ADCY8: variants seen among roughly 807,000 people sequenced by gnomAD.
ADCY8 encodes adenylate cyclase 8, also known as adenylate cyclase type 8.
Under a neutral mutation model 119.7 loss-of-function variants are expected in ADCY8, and 51 were observed. The ratio of observed to expected loss-of-function variants is 0.43; its 90% CI spans 0.34 to 0.54. The LOEUF (loss-of-function observed/expected upper bound fraction) is 0.54. Ranked by LOEUF, ADCY8 falls within the 20% of genes least tolerant of loss-of-function variation. The probability of loss-of-function intolerance (pLI) is 0.03; values close to 1 mark genes in which losing one functional copy is unlikely to be tolerated. For missense variants in ADCY8, 1,383 were observed against 1,598.8 expected (o/e 0.87, Z 2.30); for synonymous variants, 665 against 651.0 (o/e 1.02, Z -0.33).
intron 9 of ADCY8, among the ~76,000 whole-genome samples, chr8:130,860,207 G>A (rs1293410253): frequency 1.3e-5 from 2 of 152,054 alleles, no homozygotes; most frequent in African/African-American, 4.8e-5. Context: ...TATCTTGTTT[G>A]GTGAGTTGTT....
chr8:130,813,633 C>T (rs2130168084), intron 14 of ADCY8, among the ~76,000 whole-genome samples: 1 of 152,110 alleles, frequency 6.6e-6, no homozygotes. Flanking sequence ...TCTATTCGTC[C>T]ATCAGTGGAC....
chr8:130,857,923 A>G (rs1300124262), intron 9 of ADCY8, among the ~76,000 whole-genome samples: 1 of 152,206 alleles, frequency 6.6e-6, no homozygotes, highest in Non-Finnish European at 1.5e-5. Flanking sequence ...ACAAACTTAA[A>G]AAAATCATTA....
At chr8:130,801,940 G>A (rs887963586) in intron 14 of ADCY8, among the ~76,000 whole-genome samples, 2 of 97,498 alleles carry the variant, frequency 2.1e-5, no homozygotes, top group Non-Finnish European at 3.8e-5. Context: ...CACCTTAAAT[G>A]TTGGTGATTG....
chr8:130,900,378 G>A (rs1819557639), intron 7 of ADCY8, among the ~76,000 whole-genome samples: 1 of 152,148 alleles, frequency 6.6e-6, no homozygotes, highest in Non-Finnish European at 1.5e-5. Flanking sequence ...CTACTGAAAT[G>A]GGTAGAGGGA....
chr8:130,812,042 T>C (rs1392009472), intron 14 of ADCY8, among the ~76,000 whole-genome samples: 1 of 152,200 alleles, frequency 6.6e-6, no homozygotes, highest in Non-Finnish European at 1.5e-5. Context: ...CAAGAACTAT[T>C]GATTCTATAT....
intron 1 of ADCY8, among the ~76,000 whole-genome samples, chr8:130,992,606 G>C (rs75163138): frequency 0.054 from 8,151 of 151,278 alleles, 766 homozygotes; most frequent in African/African-American, 0.19. Flanking sequence ...GTAGAGATGA[G>C]ATTTTCCTAT....
Position 130,794,843 on chromosome 8 carries a change from T to C in ADCY8, c.3060+5583A>G, listed in dbSNP as rs142319049. Among the ~76,000 whole-genome samples, 83 of 152,298 alleles carry C rather than the reference T, an allele frequency of 5.4e-4. No homozygotes were observed. The East Asian group carries it at 0.011, about 21-fold the overall frequency. On this transcript the variant is annotated intron_variant, in intron 15 of 17. Transcript: ENST00000286355. ...TTGTAGATGGGAAAACTGAGGTGCA[T>C]AGAGGGATTAAATAACTTGCTTAAG...
intron 12 of ADCY8, among the ~76,000 whole-genome samples, chr8:130,828,078 G>C (rs1345699485): frequency 6.6e-6 from 1 of 152,078 alleles, no homozygotes; most frequent in Non-Finnish European, 1.5e-5. Context: ...CTAACCCCCG[G>C]GGTTATCCAA....
rs188068073 is a variant in ADCY8, at chr8:131,028,765, G to A, written c.960+10609C>T. On this transcript the variant is annotated intron_variant, in intron 1 of 17. Transcript: ENST00000286355. The stretch of plus-strand genomic sequence containing the variant: ...GACTAAGCACCTATCCATTTTTTAC[G>A]CTTAGGAAAGTCAACCTGCTTTGTC... 1.4e-4 allele frequency among the ~76,000 whole-genome samples: 22 copies of A among 152,206 alleles called. No individual in the cohort carries two copies. The East Asian group carries it at 1.7e-3, about 12-fold the overall frequency.
intron 15 of ADCY8, among the ~76,000 whole-genome samples, chr8:130,798,141 A>T (rs1383727666): frequency 6.6e-6 from 1 of 152,224 alleles, no homozygotes; most frequent in Non-Finnish European, 1.5e-5. Flanking sequence ...CAACACTTGT[A>T]AAAACCTATA....
chr8:130,979,765 T>C (rs905909755), intron 2 of ADCY8, among the ~76,000 whole-genome samples: 3 of 152,180 alleles, frequency 2.0e-5, no homozygotes, highest in Non-Finnish European at 4.4e-5. Flanking sequence ...TGAAGTAATC[T>C]ATGTGAAGTA....
chr8:131,018,992 C>A (rs761464406), intron 1 of ADCY8, among the ~76,000 whole-genome samples: 4 of 152,102 alleles, frequency 2.6e-5, no homozygotes, highest in African/African-American at 4.8e-5. Context: ...TGAAGTCTTC[C>A]TCAATGTTCT....
At chr8:130,924,855 C>T (rs1242642124) in intron 5 of ADCY8, among the ~76,000 whole-genome samples, 2 of 152,086 alleles carry the variant, frequency 1.3e-5, no homozygotes, top group African/African-American at 4.8e-5. Context: ...TTTATGAGGA[C>T]TTAATGAGCC....
chr8:130,921,264 C>T (rs1405791423), intron 5 of ADCY8, among the ~76,000 whole-genome samples: 1 of 151,958 alleles, frequency 6.6e-6, no homozygotes, highest in Non-Finnish European at 1.5e-5. Context: ...TGGAGGTTCC[C>T]ATTCCAGCAG....
intron 9 of ADCY8, 75 bp from the exon 10 acceptor site, chr8:130,849,878 C>T: frequency 1.5e-6 from 2 of 1,353,302 alleles, no homozygotes; most frequent in Non-Finnish European, 2.1e-6. Context: ...TCCTGGTCTT[C>T]CTTTCCCATC....
intron 9 of ADCY8, among the ~76,000 whole-genome samples, chr8:130,851,762 G>A (rs1300220424): frequency 1.3e-5 from 2 of 152,112 alleles, no homozygotes; most frequent in South Asian, 2.1e-4. Context: ...AGTCATTAAC[G>A]ATGACATTAA....
chr8:130,959,776 CT>C (rs1164647263), intron 2 of ADCY8, among the ~76,000 whole-genome samples: 2 of 152,068 alleles, frequency 1.3e-5, no homozygotes, highest in East Asian at 3.9e-4. Context: ...GTGCAAAGGC[CT>C]GATTGAAGAG....
chr8:130,788,166 A>G (rs920257469), intron 15 of ADCY8, among the ~76,000 whole-genome samples: 10 of 152,214 alleles, frequency 6.6e-5, no homozygotes, highest in African/African-American at 2.2e-4. Flanking sequence ...GCTGCAGTGA[A>G]CACGGGAGTG....
intron 15 of ADCY8, among the ~76,000 whole-genome samples, chr8:130,787,832 A>C (rs192701673): frequency 2.7e-5 from 4 of 150,738 alleles, no homozygotes; most frequent in Non-Finnish European, 2.9e-5. Flanking sequence ...GTGCATCCAC[A>C]TGTGTGCATT....
Sources: gnomAD v4.1 joint callset for allele counts (sites outside exome capture counted in the v4.1 genomes callset) on GRCh38, gnomAD v4.1.1 for gene constraint, MANE v1.5 for transcripts, NCBI Gene and HGNC (gene_info 2026-07-23, HGNC 2026-07-21) for gene names.